DYNC2H1: variants seen among roughly 807,000 people sequenced by gnomAD.
The protein encoded by DYNC2H1 is cytoplasmic dynein 2 heavy chain 1.
DYNC2H1 carries 410 observed loss-of-function variants against 570.0 expected under a neutral mutation model. The ratio of observed to expected loss-of-function variants is 0.72; its 90% CI spans 0.66 to 0.78. The LOEUF is 0.78. Ranked by LOEUF, DYNC2H1 falls within the 30% of genes least tolerant of loss-of-function variation. The pLI, the probability that DYNC2H1 is intolerant of heterozygous loss-of-function variation, is 0.00. For synonymous variants in DYNC2H1, 1,688 were observed against 1,677.6 expected (o/e 1.01, Z -0.15); for missense variants, 4,865 against 5,046.4 (o/e 0.96, Z 1.09).
intron 82 of DYNC2H1, among the ~76,000 whole-genome samples, chr11:103,345,619 T>C (rs906598371): frequency 3.3e-5 from 5 of 152,112 alleles, no homozygotes; most frequent in Non-Finnish European, 7.4e-5. Flanking sequence ...GCTTTTTCTA[T>C]TGGAAAAACA....
At chr11:103,464,530 TAAAC>T (rs1386832483) in intron 87 of DYNC2H1, among the ~76,000 whole-genome samples, 1 of 151,964 alleles carries the variant, frequency 6.6e-6, no homozygotes, top group African/African-American at 2.4e-5. Context: ...CCAAAAATAA[TAAAC>T]AAAAGTAAAT....
At chr11:103,144,888 T>TA (rs1860156101) in intron 18 of DYNC2H1, among the ~76,000 whole-genome samples, 10 of 142,750 alleles carry the variant, frequency 7.0e-5, no homozygotes, top group Non-Finnish European at 1.2e-4. Context: ...AATTAGTTAT[T>TA]TTTTTTTTTT....
intron 83 of DYNC2H1, among the ~76,000 whole-genome samples, chr11:103,371,927 G>GTTTTTTTTTTTTT (rs60335910): frequency 1.3e-4 from 9 of 67,880 alleles, no homozygotes; most frequent in Non-Finnish European, 1.5e-4. Context: ...TCCCATTTGG[G>GTTTTTTTTTTTTT]TTTTTTTTTT....
chr11:103,426,727 A>G lies in DYNC2H1; in HGVS notation c.12367-9216A>G, dbSNP rs112694754. 6.9e-3 allele frequency among the ~76,000 whole-genome samples: 1,044 copies of G among 152,310 alleles called. 8 individuals are homozygous for G. Among genetic ancestry groups the G allele is most frequent in the Middle Eastern group, 0.051 (15 of 294 alleles). On this transcript the variant is annotated intron_variant, in intron 84 of 88. Coordinates refer to ENST00000375735, the MANE Select transcript of DYNC2H1 (RefSeq NM_001377.3). The stretch of plus-strand genomic sequence containing the variant: ...AGCTGGCTAATTTAGTATCAAAAAT[A>G]TAACAAACTAATGGGCTTGAACCCA...
At chr11:103,263,946 A>G (rs1185872195) in intron 70 of DYNC2H1, among the ~76,000 whole-genome samples, 1 of 152,032 alleles carries the variant, frequency 6.6e-6, no homozygotes, top group Admixed American at 6.6e-5. Context: ...GATCAACAAA[A>G]TAGACCGCTA....
chr11:103,150,360 T>C (rs879283066), intron 20 of DYNC2H1, among the ~76,000 whole-genome samples: 34 of 152,052 alleles, frequency 2.2e-4, no homozygotes, highest in Middle Eastern at 6.8e-3. Flanking sequence ...CAAGAGATGA[T>C]GGAAGCTTGT....
chr11:103,444,405 ATT>A (rs1944363156), intron 85 of DYNC2H1, among the ~76,000 whole-genome samples: 1 of 152,066 alleles, frequency 6.6e-6, no homozygotes. Context: ...CAGTACTAAC[ATT>A]GTTACACTTA....
At chr11:103,140,710 T>C (rs10791608) in intron 17 of DYNC2H1, among the ~76,000 whole-genome samples, 103,516 of 151,980 alleles carry the variant, frequency 0.68, 36,095 homozygotes, top group East Asian at 0.77. Flanking sequence ...GAGGAGTATC[T>C]TTGTGACATT....
chr11:103,142,562 T>C (rs1038453640), intron 17 of DYNC2H1, among the ~76,000 whole-genome samples: 7 of 152,048 alleles, frequency 4.6e-5, no homozygotes, highest in Non-Finnish European at 1.0e-4. Context: ...CCAATTACCA[T>C]GGAGGCTGAA....
chr11:103,235,312 A>T (rs11225613), intron 61 of DYNC2H1, among the ~76,000 whole-genome samples: 15 of 151,648 alleles, frequency 9.9e-5, no homozygotes, highest in African/African-American at 3.6e-4. Context: ...ATGGGTCTTC[A>T]TGCTGTAGCT....
At chr11:103,265,250 T>C (rs1315518665) in intron 70 of DYNC2H1, among the ~76,000 whole-genome samples, 1 of 152,086 alleles carries the variant, frequency 6.6e-6, no homozygotes. Flanking sequence ...TTAGGACAAA[T>C]ACCTAATGCA....
At position 103,209,093 on chromosome 11, in the gene DYNC2H1, A is replaced by G. The variant is rs537507273; in HGVS notation, c.8455-783A>G. Among the ~76,000 whole-genome samples the G allele has an allele frequency of 7.2e-5, 11 of 152,210 alleles. No individual in the cohort carries two copies. Among genetic ancestry groups the G allele is most frequent in the African/African-American group, 2.6e-4 (11 of 41,538 alleles). On this transcript the variant is annotated intron_variant, in intron 52 of 88. Coordinates refer to ENST00000375735, the MANE Select transcript of DYNC2H1 (RefSeq NM_001377.3). The surrounding 1 kb of genome is among the most constrained non-coding windows in gnomAD (Gnocchi z 4.2). The stretch of plus-strand genomic sequence containing the variant: ...ATTCGAACTCTGCATTAATGAAGAC[A>G]TCTTTTGGCTTACATTTTTTTTTCA...
chr11:103,350,501 G>C (rs976105859), intron 82 of DYNC2H1, among the ~76,000 whole-genome samples: 2 of 152,056 alleles, frequency 1.3e-5, no homozygotes. Flanking sequence ...AAAGGGAATG[G>C]TTTTTAACAT....
chr11:103,358,045 C>A (rs1235149803), intron 82 of DYNC2H1, among the ~76,000 whole-genome samples, 198 bp from the exon 83 acceptor site: 2 of 152,102 alleles, frequency 1.3e-5, no homozygotes, highest in African/African-American at 4.8e-5. Context: ...ACTTTGAGTT[C>A]TTTTGTTTTT....
chr11:103,335,905 G>A (rs1294193032), intron 82 of DYNC2H1, among the ~76,000 whole-genome samples: 4 of 152,100 alleles, frequency 2.6e-5, no homozygotes, highest in Non-Finnish European at 4.4e-5. Flanking sequence ...GAGGCCCAGG[G>A]AGGTTTTTAT....
In DYNC2H1 at chr11:103,222,073, G is replaced by C. The variant is rs748682676; in HGVS notation, c.9151G>C (p.Asp3051His). The change falls in exon 58 of 89, where the codon GAT becomes CAT. Residue 3051 changes from aspartate (D) to histidine (H), a missense_variant. Asp to His is a moderately conservative substitution (Grantham distance 81). Around this residue, in one of 5 missense-constraint regions of DYNC2H1, gnomAD observed 2,401 missense variants for 2,454.6 expected, o/e 0.98. Coordinates refer to ENST00000375735, the MANE Select transcript of DYNC2H1 (RefSeq NM_001377.3). Reference sequence around the variant, plus strand: ...TGTAAGAGAAGACATAGCAACCTTTGATGCCCGAAATATTTCAAAGGAAAT... The same window carrying C: ...TGTAAGAGAAGACATAGCAACCTTTCATGCCCGAAATATTTCAAAGGAAAT... ...RGVREDIATF[D>H]ARNISKEIRE... is the part of the protein sequence containing the mutation. 6.2e-7 allele frequency: 1 copy of C among 1,611,570 alleles called. No individual in the cohort carries two copies. The highest frequency in any genetic ancestry group is 1.3e-5 in the African/African-American group (1 of 74,918).
At chr11:103,387,323 C>G (rs1440410330) in intron 83 of DYNC2H1, among the ~76,000 whole-genome samples, 1 of 152,164 alleles carries the variant, frequency 6.6e-6, no homozygotes, top group African/African-American at 2.4e-5. Context: ...CTGTTCATAT[C>G]CTTCACCTAC....
At position 103,202,401 on chromosome 11, in the gene DYNC2H1, G is replaced by T. The variant is rs1404706227; in HGVS notation, c.8198-1262G>T. Reference sequence around the variant, plus strand: ...ATTATCAAGATATAATCGTAAAAATGAGAAGTCAAATCTTGGCATTTTATT... The same window carrying T: ...ATTATCAAGATATAATCGTAAAAATTAGAAGTCAAATCTTGGCATTTTATT... On this transcript the variant is annotated intron_variant, in intron 50 of 88. Coordinates refer to ENST00000375735, the MANE Select transcript of DYNC2H1 (RefSeq NM_001377.3). Among the ~76,000 whole-genome samples the T allele has an allele frequency of 8.9e-5, 13 of 145,752 alleles. No individual in the cohort carries two copies. In the Admixed American group the frequency reaches 9.4e-4, roughly 11 times the overall value.
intron 15 of DYNC2H1, among the ~76,000 whole-genome samples, chr11:103,135,042 G>C (rs1481004964): frequency 1.3e-5 from 2 of 152,020 alleles, no homozygotes; most frequent in African/African-American, 4.8e-5. Context: ...AAAAAAGTAT[G>C]TAAATTCTTA....
Sources: gnomAD v4.1 joint callset for allele counts (sites outside exome capture counted in the v4.1 genomes callset) on GRCh38, gnomAD v4.1.1 for gene constraint, gnomAD v4.1.1 regional missense constraint, Gnocchi (gnomAD v3.1) non-coding constraint, MANE v1.5 for transcripts, NCBI Gene and HGNC (gene_info 2026-07-23, HGNC 2026-07-21) for gene names.